Variants in GALNT2 observed in about 807,000 individuals in gnomAD.
The protein encoded by GALNT2 is UDP-GalNAc:polypeptide N-acetylgalactosaminyltransferase 2.
A neutral mutation model predicts 81.4 loss-of-function variants in GALNT2; 31 were observed. The observed-to-expected ratio is 0.38, with a 90% CI of 0.29 to 0.51. The LOEUF is 0.51. Among genes scored for constraint, GALNT2 ranks in the 20% least tolerant of loss-of-function variants. The pLI is 0.87. For missense variants in GALNT2, 629 were observed against 765.7 expected (o/e 0.82, Z 2.11); for synonymous variants, 303 against 287.4 (o/e 1.05, Z -0.55).
chr1:230,246,847 A>C (rs1572133704), intron 8 of GALNT2, among the ~76,000 whole-genome samples: 1 of 152,180 alleles, frequency 6.6e-6, no homozygotes, highest in East Asian at 1.9e-4. Context: ...AAGACCTCAA[A>C]GAGCTTTCAT....
chr1:230,067,350 T>C lies in GALNT2; in HGVS notation c.70T>C (p.Tyr24His). The change falls in exon 1 of 16, where the codon TAC becomes CAC. Residue 24 changes from tyrosine (Y) to histidine (H), a missense_variant. By Grantham distance (83) the Tyr-to-His change is moderately conservative (BLOSUM62 2). Around this residue, in one of 3 missense-constraint regions of GALNT2, gnomAD observed 62 missense variants for 47.3 expected, o/e 1.31. Coordinates refer to ENST00000366672, the MANE Select transcript of GALNT2 (RefSeq NM_004481.5). ...LWVLGIAYYM[Y>H]SGGGSALAGG... ...GGTGCTGGGCATCGCCTACTACATG[T>C]ACTCGGGGGGCGGCTCTGCGCTGGC... is the stretch of plus-strand genomic sequence containing the variant. 7.3e-7 allele frequency: 1 copy of C among 1,372,974 alleles called. No individual in the cohort carries two copies. The highest frequency in any genetic ancestry group is 3.3e-5 in the East Asian group (1 of 30,458). 85.0% of individuals were successfully genotyped at this position (1,372,974 alleles called of 1,614,324 possible).
Position 230,235,621 on chromosome 1 carries a change from G to A in GALNT2, c.375-393G>A, listed in dbSNP as rs536514825. Among the ~76,000 whole-genome samples, 5 of 152,314 alleles carry A rather than the reference G, an allele frequency of 3.3e-5. No individual in the cohort carries two copies. The East Asian group carries it at 9.7e-4, about 29-fold the overall frequency. On this transcript the variant is annotated intron_variant, in intron 3 of 15. Transcript: ENST00000366672. ...TTGTTGTAGGCAATGTAGAAAACAA[G>A]AAAAGAGCAGTGGCGCACAGTTGGT... is the stretch of plus-strand genomic sequence containing the variant.
intron 2 of GALNT2, among the ~76,000 whole-genome samples, chr1:230,198,138 C>A (rs1301513676): frequency 6.6e-6 from 1 of 152,214 alleles, no homozygotes; most frequent in Non-Finnish European, 1.5e-5. Context: ...CACGGTCAGC[C>A]TCCGGTACCT....
rs1178910296 is a variant in GALNT2, at chr1:230,256,701, G to A, written c.1136+1357G>A. ...GCAAATAGCCGTTCTATCAAGCCAA[G>A]TGTCCTTCTAGGGAATTCTCTTACA... On this transcript the variant is annotated intron_variant, in intron 11 of 15. Coordinates refer to ENST00000366672, the MANE Select transcript of GALNT2 (RefSeq NM_004481.5). Among the ~76,000 whole-genome samples, 5 of 152,182 alleles carry A rather than the reference G, an allele frequency of 3.3e-5. No homozygotes were observed. In the East Asian group the frequency reaches 7.7e-4, roughly 23 times the overall value.
chr1:230,145,423 A>G (rs1011338130), intron 1 of GALNT2, among the ~76,000 whole-genome samples: 4 of 152,156 alleles, frequency 2.6e-5, no homozygotes, highest in Non-Finnish European at 5.9e-5. Flanking sequence ...AGCTCCCCCA[A>G]AGGAACCCTT....
chr1:230,280,442 A>G lies in GALNT2; in HGVS notation c.*984A>G, dbSNP rs148100437. ...TTTTTACATTAAATTTCTTTTCTCT[A>G]AGGAATATAAGACATACCCCATAGC... On this transcript the variant is annotated 3_prime_UTR_variant, in exon 16 of 16. Coordinates refer to ENST00000366672, the MANE Select transcript of GALNT2 (RefSeq NM_004481.5). The G allele has an allele frequency of 1.3e-4, 25 of 192,898 alleles. No individual in the cohort carries two copies. The highest frequency in any genetic ancestry group is 9.9e-4 in the South Asian group (9 of 9,120). The allele number at this position is 192,898 out of a possible 1,614,324, so 11.9% of individuals were successfully genotyped here. A position where few individuals can be genotyped will look rare whatever the true frequency, so the allele number is the denominator to read the frequency against.
At position 230,176,941 on chromosome 1, in the gene GALNT2, C is replaced by T. The variant is rs368577113; in HGVS notation, c.127-1277C>T. Among the ~76,000 whole-genome samples, 6 of 152,170 alleles carry T rather than the reference C, an allele frequency of 3.9e-5. No individual in the cohort carries two copies. In the South Asian group the frequency reaches 1.0e-3, roughly 26 times the overall value. On this transcript the variant is annotated intron_variant, in intron 1 of 15. Transcript: ENST00000366672. ...TGCAGAATGGTTTCTCTCACCAGCCCGCCAAGGCTACAGTTCCTCCCTTCC... is the reference window on the plus strand; with the variant it reads ...TGCAGAATGGTTTCTCTCACCAGCCTGCCAAGGCTACAGTTCCTCCCTTCC...
At chr1:230,160,799 T>G (rs1662408586) in intron 1 of GALNT2, among the ~76,000 whole-genome samples, 4 of 152,102 alleles carry the variant, frequency 2.6e-5, no homozygotes, top group African/African-American at 9.7e-5. Flanking sequence ...TAAAAAGCCC[T>G]GTGGATGCGC....
chr1:230,204,147 C>CTTCTTT (rs71799972), intron 3 of GALNT2, among the ~76,000 whole-genome samples: 36 of 149,334 alleles, frequency 2.4e-4, no homozygotes, highest in Admixed American at 9.4e-4. Context: ...TCCTGACCTC[C>CTTCTTT]TTCTTTTTCT....
intron 2 of GALNT2, among the ~76,000 whole-genome samples, chr1:230,178,556 T>C (rs1663059530): frequency 6.6e-6 from 1 of 152,222 alleles, no homozygotes; most frequent in South Asian, 2.1e-4. Flanking sequence ...AAGTAGAAAG[T>C]ATATATTAGT....
intron 1 of GALNT2, among the ~76,000 whole-genome samples, chr1:230,112,894 A>T (rs374854858): frequency 1.3e-5 from 2 of 152,120 alleles, no homozygotes; most frequent in East Asian, 3.9e-4. Flanking sequence ...AGTAAAATAG[A>T]GTGTCTCCAT....
intron 13 of GALNT2, chr1:230,265,035 G>T (rs978204038): frequency 7.0e-6 from 4 of 571,546 alleles, no homozygotes; most frequent in African/African-American, 1.9e-5. Flanking sequence ...GCAACATACA[G>T]TCTTAAAGTG....
At chr1:230,220,394 C>T (rs1213062542) in intron 3 of GALNT2, among the ~76,000 whole-genome samples, 1 of 152,040 alleles carries the variant, frequency 6.6e-6, no homozygotes, top group Non-Finnish European at 1.5e-5. Context: ...ACTCCGGAGG[C>T]ACCAGAGCCT....
chr1:230,058,593 A>G (rs1319369328), intron 1 of GALNT2, among the ~76,000 whole-genome samples: 3 of 152,274 alleles, frequency 2.0e-5, no homozygotes, highest in Non-Finnish European at 4.4e-5. Context: ...GAGAGCATTT[A>G]CTTGATAGGA....
intron 2 of GALNT2, among the ~76,000 whole-genome samples, chr1:230,200,006 C>G (rs1269523879): frequency 6.6e-6 from 1 of 151,634 alleles, no homozygotes; most frequent in Non-Finnish European, 1.5e-5. Context: ...CCTCAGAGCA[C>G]TTAGCTCAGT....
chr1:230,151,223 C>T (rs998845821), intron 1 of GALNT2, among the ~76,000 whole-genome samples: 11 of 152,164 alleles, frequency 7.2e-5, no homozygotes, highest in Admixed American at 2.0e-4. Flanking sequence ...TCTGGACCTC[C>T]GGGATGTCCT....
chr1:230,111,275 A>G (rs572203739), intron 1 of GALNT2, among the ~76,000 whole-genome samples: 9 of 152,340 alleles, frequency 5.9e-5, no homozygotes, highest in South Asian at 4.1e-4. Context: ...GCACACTGCA[A>G]TGTGTACTTA....
chr1:230,094,621 A>G (rs943222478), intron 1 of GALNT2, among the ~76,000 whole-genome samples: 5 of 152,182 alleles, frequency 3.3e-5, no homozygotes, highest in African/African-American at 1.2e-4. Context: ...CTGGGCAACA[A>G]GAATGAAACT....
intron 1 of GALNT2, 104 bp from the exon 2 acceptor site, chr1:230,178,114 C>A: frequency 2.4e-6 from 2 of 829,398 alleles, no homozygotes; most frequent in Non-Finnish European, 3.8e-6. Context: ...AGTGCATCCC[C>A]AGGGCCAAGT....
Sources: gnomAD v4.1 joint callset for allele counts (sites outside exome capture counted in the v4.1 genomes callset) on GRCh38, gnomAD v4.1.1 for gene constraint, gnomAD v4.1.1 regional missense constraint, MANE v1.5 for transcripts, NCBI Gene and HGNC (gene_info 2026-07-23, HGNC 2026-07-21) for gene names.